SLC27A3: variants seen among roughly 807,000 people sequenced by gnomAD.
SLC27A3 encodes the protein long-chain fatty acid transport protein 3.
SLC27A3 carries 60 observed loss-of-function variants against 60.1 expected under a neutral mutation model. The ratio of observed to expected loss-of-function variants is 1.00; its 90% CI spans 0.81 to 1.24. The LOEUF is 1.24. SLC27A3 is among the 50% of genes most tolerant of loss of function. The pLI is 0.00. For synonymous variants in SLC27A3, 455 were observed against 409.0 expected (o/e 1.11, Z -1.36); for missense variants, 1,079 against 929.9 (o/e 1.16, Z -2.09).
chr1:153,776,810 C>G (rs550450198), intron 2 of SLC27A3, 83 bp downstream of exon 2: 1 of 1,331,718 alleles, frequency 7.5e-7, no homozygotes, highest in East Asian at 2.4e-5. Flanking sequence ...TCCTTCAAAG[C>G]CCCCAGAGAG....
chr1:153,778,888 A>ATCTGTCCATAACTGGTTT lies in SLC27A3; in HGVS notation c.1646+5_1646+22dup. The ATCTGTCCATAACTGGTTT allele has an allele frequency of 6.2e-7, 1 of 1,613,716 alleles. No homozygotes were observed. Among genetic ancestry groups the ATCTGTCCATAACTGGTTT allele is most frequent in the Non-Finnish European group, 8.5e-7 (1 of 1,179,594 alleles). ...GATCGTACTGGAGACACCTTCAGGT[A>ATCTGTCCATAACTGGTTT]TCTGTCCATAACTGGTTTTTCATCC... On this transcript the variant is annotated splice_donor_region_variant and intron_variant, in intron 7 of 9. Transcript: ENST00000624995.
rs757708496 is a variant in SLC27A3 at position 153,778,902 on chromosome 1, G to T, written c.1646+17G>T. 1 of 1,612,202 alleles carries T rather than the reference G, an allele frequency of 6.2e-7. No individual in the cohort carries two copies. The highest frequency in any genetic ancestry group is 1.7e-5 in the Admixed American group (1 of 60,018). On this transcript the variant is annotated intron_variant, in intron 7 of 9. Coordinates refer to ENST00000624995, the MANE Select transcript of SLC27A3 (RefSeq NM_024330.4). Reference sequence around the variant, plus strand: ...CACCTTCAGGTATCTGTCCATAACTGGTTTTTCATCCTGGACATCTGATCT... The same window carrying T: ...CACCTTCAGGTATCTGTCCATAACTTGTTTTTCATCCTGGACATCTGATCT...
chr1:153,777,207 C>G lies in SLC27A3; in HGVS notation c.1023C>G (p.Gly341=). ...HMSGSLLGIV[G]CMGIGATVVL... The stretch of plus-strand genomic sequence containing the variant: ...CCGGTTCCCTGCTGGGCATCGTGGG[C>G]TGCATGGGCATTGGTCAGTCTCCCC... The change falls in exon 3 of 10, where the codon GGC becomes GGG. Residue 341 remains glycine (G), a synonymous_variant. Transcript: ENST00000624995. 1 of 1,614,228 alleles carries G rather than the reference C, an allele frequency of 6.2e-7. No homozygotes were observed. Among genetic ancestry groups the G allele is most frequent in the Non-Finnish European group, 8.5e-7 (1 of 1,180,030 alleles).
rs1450851896 is a variant in SLC27A3, at chr1:153,776,609, A to G, written c.759A>G (p.Gly253=). Residue 253 remains glycine, a synonymous_variant, in exon 2 of 10, where the codon GGA becomes GGG. Coordinates refer to ENST00000624995, the MANE Select transcript of SLC27A3 (RefSeq NM_024330.4). The part of the protein sequence containing the change: ...WAAGPGTHPA[G]ISDLLAEVSA... ...CAGGCCCAGGAACCCACCCTGCTGG[A>G]ATTAGCGATTTGCTGGCTGAAGTGT... 6.2e-7 allele frequency: 1 copy of G among 1,614,176 alleles called. No individual in the cohort carries two copies. Among genetic ancestry groups the G allele is most frequent in the Admixed American group, 1.7e-5 (1 of 60,030 alleles).
At position 153,777,184 on chromosome 1, in the gene SLC27A3, G is replaced by A. The variant is rs200519940; in HGVS notation, c.1000G>A (p.Gly334Ser). ...CGCCCTCCCACTCTACCACATGTCC[G>A]GTTCCCTGCTGGGCATCGTGGGCTG... ...YLALPLYHMSGSLLGIVGCMG... is the reference protein window; with the variant it reads ...YLALPLYHMSSSLLGIVGCMG... The change falls in exon 3 of 10, where the codon GGT (glycine) becomes AGT (serine). Residue 334 changes from glycine to serine, a missense_variant. Physicochemically the swap from Gly to Ser is moderately conservative, Grantham distance 56. Transcript: ENST00000624995. 9.4e-5 allele frequency: 151 copies of A among 1,614,224 alleles called. 1 individual carries two copies. The highest frequency in any genetic ancestry group is 2.6e-4 in the South Asian group (24 of 91,088).
chr1:153,778,583 G>T (rs767454520), intron 6 of SLC27A3, 30 bp downstream of exon 6: 1 of 1,611,424 alleles, frequency 6.2e-7, no homozygotes, highest in Non-Finnish European at 8.5e-7. Flanking sequence ...GGTGGGCGGG[G>T]TGCTGAAGCT....
At chr1:153,778,082 G>C in intron 4 of SLC27A3, 79 bp from the exon 5 acceptor site, 2 of 1,526,998 alleles carry the variant, frequency 1.3e-6, no homozygotes, top group Non-Finnish European at 8.8e-7. Flanking sequence ...GGGGGTTCTG[G>C]GGAATGGGGA....
chr1:153,778,972 T>C (rs979245690), intron 7 of SLC27A3, 87 bp downstream of exon 7: 1 of 1,475,714 alleles, frequency 6.8e-7, no homozygotes, highest in African/African-American at 1.4e-5. Flanking sequence ...ATCTGCCACC[T>C]CAACCTGGGT....
At position 153,777,799 on chromosome 1, in the gene SLC27A3, C is replaced by T. The variant is rs759590227; in HGVS notation, c.1075C>T (p.Gln359Ter). The T allele has an allele frequency of 6.2e-7, 1 of 1,614,198 alleles. No homozygotes were observed. Among genetic ancestry groups the T allele is most frequent in the Non-Finnish European group, 8.5e-7 (1 of 1,180,046 alleles). ...GCTGAAATCCAAGTTCTCGGCTGGT[C>T]AGTTCTGGGAAGATTGCCAGCAGCA... ...VVLKSKFSAGQFWEDCQQHRV... is the reference protein window; with the variant it reads ...VVLKSKFSAG The change falls in exon 4 of 10, where the codon CAG (glutamine) becomes TAG (stop). Residue 359 changes from glutamine to a stop codon, truncating the protein, a stop_gained. Transcript: ENST00000624995. LOFTEE classifies it high-confidence loss of function.
In SLC27A3 at chr1:153,778,355, G is replaced by T; in HGVS notation, c.1356G>T (p.Lys452Asn). ...GAVGRASWLY[K>N]HIFPFSLIRY... ...TGGGGCGTGCTTCCTGGCTTTACAA[G>T]GTGAGGGGCAGAGAGGAAACTGAAA... The change falls in exon 5 of 10, where the codon AAG (lysine) becomes AAT (asparagine). Residue 452 changes from lysine (K) to asparagine (N), a missense_variant and splice_region_variant. Transcript: ENST00000624995. The T allele has an allele frequency of 6.2e-7, 1 of 1,613,910 alleles. No individual in the cohort carries two copies. The highest frequency in any genetic ancestry group is 1.7e-5 in the Admixed American group (1 of 60,002).
chr1:153,776,054 G>T lies in SLC27A3; in HGVS notation c.557G>T (p.Gly186Val). 1 of 1,464,096 alleles carries T rather than the reference G, an allele frequency of 6.8e-7. No individual in the cohort carries two copies. The allele number at this position is 1,464,096 out of a possible 1,614,324, so 90.7% of individuals were successfully genotyped here. ...CCAGAGTTTCTGTGGCTCTGGTTCG[G>T]GCTGGCCAAGGCCGGCCTGCGCACT... Reference protein sequence around the residue: ...AGPEFLWLWFGLAKAGLRTAF... With the variant: ...AGPEFLWLWFVLAKAGLRTAF... Residue 186 changes from glycine to valine, a missense_variant, in exon 1 of 10, where the codon GGG (glycine) becomes GTG (valine). Physicochemically the swap from Gly to Val is moderately radical, Grantham distance 109 (BLOSUM62 -3). Coordinates refer to ENST00000624995, the MANE Select transcript of SLC27A3 (RefSeq NM_024330.4).
At position 153,778,554 on chromosome 1, in the gene SLC27A3, G is replaced by A. The variant is rs142223071; in HGVS notation, c.1447+1G>A. 1 of 1,613,968 alleles carries A rather than the reference G, an allele frequency of 6.2e-7. No individual in the cohort carries two copies. Among genetic ancestry groups the A allele is most frequent in the Non-Finnish European group, 8.5e-7 (1 of 1,179,836 alleles). Reference sequence around the variant, plus strand: ...GGGCACTGTATGGCCACATCTCCAGGTTGGTGGTGTTCTGGTGGGGTGGGC... The same window carrying A: ...GGGCACTGTATGGCCACATCTCCAGATTGGTGGTGTTCTGGTGGGGTGGGC... On this transcript the variant is annotated splice_donor_variant, in intron 6 of 9. Coordinates refer to ENST00000624995, the MANE Select transcript of SLC27A3 (RefSeq NM_024330.4). LOFTEE classifies it high-confidence loss of function.
intron 3 of SLC27A3, 150 bp from the exon 4 acceptor site, chr1:153,777,611 C>A: frequency 9.9e-7 from 1 of 1,013,888 alleles, no homozygotes; most frequent in Non-Finnish European, 1.5e-6. Flanking sequence ...GGAAAGAGGG[C>A]CAGCACGGCT....
chr1:153,778,327 C>A lies in SLC27A3; in HGVS notation c.1328C>A (p.Ala443Asp). 1 of 1,614,124 alleles carries A rather than the reference C, an allele frequency of 6.2e-7. No homozygotes were observed. Among genetic ancestry groups the A allele is most frequent in the Non-Finnish European group, 8.5e-7 (1 of 1,179,990 alleles). ...ATCAACTACACAGGACAGCGGGGCG[C>A]TGTGGGGCGTGCTTCCTGGCTTTAC... is the stretch of plus-strand genomic sequence containing the variant. The part of the protein sequence containing the change: ...ATINYTGQRG[A>D]VGRASWLYKH... Residue 443 changes from alanine to aspartate, a missense_variant, in exon 5 of 10, where the codon GCT becomes GAT. By Grantham distance (126) the Ala-to-Asp change is moderately radical (BLOSUM62 -2). Transcript: ENST00000624995.
chr1:153,779,269 T>C (rs1673402032), intron 8 of SLC27A3, 58 bp downstream of exon 8: 2 of 1,613,726 alleles, frequency 1.2e-6, no homozygotes, highest in African/African-American at 1.3e-5. Context: ...TTGGTAGTAC[T>C]TGGGCGCAGG....
chr1:153,775,511 T>A lies in SLC27A3; in HGVS notation c.14T>A (p.Leu5Gln), dbSNP rs747369615. The change falls in exon 1 of 10, where the codon CTG (leucine) becomes CAG (glutamine). Residue 5 changes from leucine to glutamine, a missense_variant. By Grantham distance (113) the Leu-to-Gln change is moderately radical. Transcript: ENST00000624995. Reference protein sequence around the residue: MAALLLLPLLLLLPL... With the variant: MAALQLLPLLLLLPL... ...GAAGCGGGCTCCATGGCTGCCCTCCTGCTGCTGCCCCTGCTGCTGTTGCTA... is the reference window on the plus strand; with the variant it reads ...GAAGCGGGCTCCATGGCTGCCCTCCAGCTGCTGCCCCTGCTGCTGTTGCTA... 3 of 1,612,092 alleles carry A rather than the reference T, an allele frequency of 1.9e-6. No homozygotes were observed. The South Asian group carries it at 3.3e-5, about 18-fold the overall frequency.
At position 153,780,027 on chromosome 1, in the gene SLC27A3, A is replaced by G; in HGVS notation, c.*25A>G. 2 of 1,594,740 alleles carry G rather than the reference A, an allele frequency of 1.3e-6. No homozygotes were observed. The highest frequency in any genetic ancestry group is 1.7e-6 in the Non-Finnish European group (2 of 1,169,266). ...AGAACTTCCACACCTGAGGCACCTG[A>G]GAGAGGAACTCTGTGGGGTGGGGGC... On this transcript the variant is annotated 3_prime_UTR_variant, in exon 10 of 10. Transcript: ENST00000624995.
intron 7 of SLC27A3, 38 bp from the exon 8 acceptor site, chr1:153,779,069 GCCCTGAC>G (rs754909156): frequency 1.3e-6 from 2 of 1,594,494 alleles, no homozygotes; most frequent in Non-Finnish European, 1.7e-6. Flanking sequence ...AGCCCATAAG[GCCCTGAC>G]CCCTGACTCC....
chr1:153,778,271 A>T lies in SLC27A3; in HGVS notation c.1272A>T (p.Thr424=). ...RRFGPLQVLE[T]YGLTEGNVAT... ...TCGGGCCCCTGCAGGTGCTGGAGACATATGGACTGACAGAGGGCAACGTGG... is the reference window on the plus strand; with the variant it reads ...TCGGGCCCCTGCAGGTGCTGGAGACTTATGGACTGACAGAGGGCAACGTGG... The change falls in exon 5 of 10, where the codon ACA becomes ACT. Residue 424 remains threonine, a synonymous_variant. Coordinates refer to ENST00000624995, the MANE Select transcript of SLC27A3 (RefSeq NM_024330.4). 1.2e-6 allele frequency: 2 copies of T among 1,614,202 alleles called. No homozygotes were observed. The highest frequency in any genetic ancestry group is 1.7e-6 in the Non-Finnish European group (2 of 1,180,022).
Sources: allele counts gnomAD v4.1 joint callset, GRCh38; gene constraint gnomAD v4.1.1; transcripts MANE v1.5; gene names NCBI Gene and HGNC (gene_info 2026-07-23, HGNC 2026-07-21).